PARN: variants seen among roughly 807,000 people sequenced by gnomAD.
The protein encoded by PARN is poly(A)-specific ribonuclease PARN.
In PARN, 71 loss-of-function variants were observed where a neutral mutation model predicts 102.8. That is an observed-to-expected ratio of 0.69 (90% confidence interval 0.57 to 0.84). The LOEUF is 0.84. Among genes scored for constraint, PARN ranks in the 40% least tolerant of loss-of-function variants. The pLI, the probability that PARN is intolerant of heterozygous loss-of-function variation, is 0.00. For missense variants in PARN, 782 were observed against 760.9 expected, an observed-to-expected ratio of 1.03 and a Z score of -0.33; for synonymous variants, 261 against 252.9, an observed-to-expected ratio of 1.03 and a Z score of -0.30.
At chr16:14,587,681 G>A (rs1315710401) in intron 13 of PARN, among the ~76,000 whole-genome samples, 2 of 152,036 alleles carry the variant, frequency 1.3e-5, no homozygotes, top group Admixed American at 6.5e-5. Flanking sequence ...TTCTTCTAAA[G>A]GTAGATGGAA....
At chr16:14,555,733 G>GT (rs772248347) in intron 18 of PARN, 24 bp from the exon 19 acceptor site, 1 of 1,296,302 alleles carries the variant, frequency 7.7e-7, no homozygotes, top group South Asian at 1.5e-5. Flanking sequence ...AGACAAACAA[G>GT]TAATGGGCAA....
At chr16:14,453,797 A>C (rs1268655222) in intron 22 of PARN, among the ~76,000 whole-genome samples, 1 of 152,160 alleles carries the variant, frequency 6.6e-6, no homozygotes, top group Admixed American at 6.5e-5. Context: ...GCTGGATCAC[A>C]ATTTATTCAT....
chr16:14,582,892 A>C (rs1969617292), intron 16 of PARN, among the ~76,000 whole-genome samples: 1 of 152,212 alleles, frequency 6.6e-6, no homozygotes, highest in Non-Finnish European at 1.5e-5. Context: ...TGCTTGGTAC[A>C]TAGTAAGTGC....
At chr16:14,571,347 G>C (rs1422136832) in intron 18 of PARN, among the ~76,000 whole-genome samples, 2 of 138,934 alleles carry the variant, frequency 1.4e-5, no homozygotes, top group African/African-American at 5.3e-5. Flanking sequence ...AACAGAGCAA[G>C]ATTCCAACTC....
chr16:14,455,061 T>C (rs1426529474), intron 22 of PARN, among the ~76,000 whole-genome samples: 2 of 152,358 alleles, frequency 1.3e-5, no homozygotes, highest in Admixed American at 6.5e-5. Flanking sequence ...CCAAATATCA[T>C]TTAAAAATTG....
At chr16:14,447,464 A>G (rs1961254032) in intron 22 of PARN, among the ~76,000 whole-genome samples, 1 of 152,246 alleles carries the variant, frequency 6.6e-6, no homozygotes. Flanking sequence ...AGAAGATAGC[A>G]TTATTCTCTT....
At chr16:14,625,495 C>T (rs573483753) in intron 5 of PARN, among the ~76,000 whole-genome samples, 1 of 152,088 alleles carries the variant, frequency 6.6e-6, no homozygotes, top group East Asian at 1.9e-4. Flanking sequence ...GAAACTTCAT[C>T]TCAAGAAAAA....
At chr16:14,597,468 A>G (rs1184741502) in intron 12 of PARN, among the ~76,000 whole-genome samples, 1 of 152,154 alleles carries the variant, frequency 6.6e-6, no homozygotes, top group Admixed American at 6.5e-5. Context: ...AGGCCAAGGC[A>G]GGCGGATCAC....
chr16:14,521,646 G>T (rs529714996), intron 21 of PARN, among the ~76,000 whole-genome samples: 2 of 151,974 alleles, frequency 1.3e-5, no homozygotes, highest in Admixed American at 6.6e-5. Context: ...TAAAAATACA[G>T]AATTAGCAGG....
chr16:14,544,915 A>G (rs552322588), intron 21 of PARN, among the ~76,000 whole-genome samples: 7 of 152,340 alleles, frequency 4.6e-5, no homozygotes, highest in African/African-American at 1.7e-4. Flanking sequence ...GACTGGGCAC[A>G]GTGGCTCATG....
chr16:14,522,893 A>C (rs563969947), intron 21 of PARN, among the ~76,000 whole-genome samples: 4 of 152,232 alleles, frequency 2.6e-5, no homozygotes, highest in African/African-American at 4.8e-5. Context: ...AACAAAGAAA[A>C]CACCTGGTAA....
chr16:14,491,049 T>C (rs981101130), intron 21 of PARN, among the ~76,000 whole-genome samples: 2 of 151,956 alleles, frequency 1.3e-5, no homozygotes, highest in Admixed American at 6.6e-5. Context: ...AGGCAGATAC[T>C]AAGTTGGAAA....
intron 22 of PARN, among the ~76,000 whole-genome samples, chr16:14,472,099 T>A (rs1369264356): frequency 6.6e-6 from 1 of 152,204 alleles, no homozygotes; most frequent in Non-Finnish European, 1.5e-5. Context: ...ACTACATTCA[T>A]TCGTCTTTCC....
intron 22 of PARN, among the ~76,000 whole-genome samples, chr16:14,456,312 G>A (rs1470781358): frequency 6.6e-6 from 1 of 151,988 alleles, no homozygotes; most frequent in South Asian, 2.1e-4. Flanking sequence ...TGGGACTACA[G>A]GCATGCACTA....
intron 22 of PARN, among the ~76,000 whole-genome samples, chr16:14,457,518 G>C (rs1394152735): frequency 6.6e-6 from 1 of 151,956 alleles, no homozygotes; most frequent in East Asian, 1.9e-4. Flanking sequence ...TGAGTCTTGG[G>C]GCCAGGCGCA....
chr16:14,532,701 G>A (rs959116204), intron 21 of PARN, among the ~76,000 whole-genome samples: 2 of 151,952 alleles, frequency 1.3e-5, no homozygotes, highest in Non-Finnish European at 2.9e-5. Flanking sequence ...CAGACGGGGG[G>A]GCGACCGGGC....
intron 21 of PARN, among the ~76,000 whole-genome samples, chr16:14,515,167 G>A (rs189134585): frequency 3.3e-5 from 5 of 152,170 alleles, no homozygotes; most frequent in Admixed American, 2.6e-4. Flanking sequence ...CTTTGAGATG[G>A]GATCTTGCTA....
intron 18 of PARN, among the ~76,000 whole-genome samples, chr16:14,572,489 T>G (rs1015338132): frequency 2.0e-5 from 3 of 152,198 alleles, no homozygotes; most frequent in Admixed American, 2.0e-4. Context: ...TTGCTTTCTA[T>G]GGAGAAAAAG....
At chr16:14,606,301 TGTA>T (rs1424502893) in intron 10 of PARN, among the ~76,000 whole-genome samples, 180 bp downstream of exon 10, 1 of 151,076 alleles carries the variant, frequency 6.6e-6, no homozygotes, top group East Asian at 1.9e-4. Flanking sequence ...GGGAGGCTGA[TGTA>T]GGAGGATCAC....
Sources: gnomAD v4.1 joint callset for allele counts (sites outside exome capture counted in the v4.1 genomes callset) on GRCh38, gnomAD v4.1.1 for gene constraint, MANE v1.5 for transcripts, NCBI Gene and HGNC (gene_info 2026-07-23, HGNC 2026-07-21) for gene names.